Variants in SEC24A observed in about 807,000 individuals in gnomAD.
The protein encoded by SEC24A is protein transport protein Sec24A.
A neutral mutation model predicts 129.4 loss-of-function variants in SEC24A; 93 were observed. The observed-to-expected ratio is 0.72, with a 90% CI of 0.61 to 0.85. The LOEUF (loss-of-function observed/expected upper bound fraction) is 0.85. Among genes scored for constraint, SEC24A ranks in the 40% least tolerant of loss-of-function variants. The probability of loss-of-function intolerance (pLI) is 0.00; values close to 1 mark genes in which losing one functional copy is unlikely to be tolerated. For synonymous variants in SEC24A, 460 were observed against 467.3 expected, an observed-to-expected ratio of 0.98 and a Z score of 0.20; for missense variants, 1,264 against 1,307.4, an observed-to-expected ratio of 0.97 and a Z score of 0.51.
rs760290027 is a variant in SEC24A at position 134,676,144 on chromosome 5, C to CTT, written c.1254+31_1254+32dup. On this transcript the variant is annotated intron_variant, in intron 7 of 22. Transcript: ENST00000398844. ...CTTAGTGGTATGTTTCTTTTCTTTT[C>CTT]TTTTTTTTTTTTTGAGACGGAGTCT... The CTT allele has an allele frequency of 1.8e-3, 2,250 of 1,261,736 alleles. No homozygotes were observed. The highest frequency in any genetic ancestry group is 3.0e-3 in the South Asian group (213 of 69,902). 78.2% of individuals were successfully genotyped at this position (1,261,736 alleles called of 1,614,324 possible). A position where few individuals can be genotyped will look rare whatever the true frequency, so the allele number is the denominator to read the frequency against.
chr5:134,681,467 T>A (rs1751271736), intron 8 of SEC24A, among the ~76,000 whole-genome samples: 1 of 151,928 alleles, frequency 6.6e-6, no homozygotes, highest in South Asian at 2.1e-4. Flanking sequence ...TGTGTGTGTG[T>A]GTGTGTGTGT....
At chr5:134,652,398 G>C (rs185401805) in intron 1 of SEC24A, among the ~76,000 whole-genome samples, 143 of 146,506 alleles carry the variant, frequency 9.8e-4, no homozygotes, top group Middle Eastern at 4.1e-3. Flanking sequence ...AAGCAATTCT[G>C]CCTCAGCCTC....
chr5:134,679,657 A>C lies in SEC24A; in HGVS notation c.1310A>C (p.Tyr437Ser), dbSNP rs1751193772. 2 of 1,602,770 alleles carry C rather than the reference A, an allele frequency of 1.2e-6. No homozygotes were observed. The highest frequency in any genetic ancestry group is 1.7e-6 in the Non-Finnish European group (2 of 1,171,872). ...GTGAGATGCCGTTCATGCAGGACGT[A>C]CATCAATCCTTTCGTCAGCTTTCTT... The part of the protein sequence containing the change: ...TIVRCRSCRT[Y>S]INPFVSFLDQ... Residue 437 changes from tyrosine to serine, a missense_variant, in exon 8 of 23, where the codon TAC becomes TCC. Tyr to Ser is a moderately radical substitution (Grantham distance 144, BLOSUM62 -2). Coordinates refer to ENST00000398844, the MANE Select transcript of SEC24A (RefSeq NM_021982.3).
In SEC24A at chr5:134,697,955, C is replaced by T. The variant is rs778477177; in HGVS notation, c.2164C>T (p.Gln722Ter). ...CTATTACTATCCCTCTTACCATCAT[C>T]AGCACAACCCAGTCCAAGTACAGAA... ...SVYYYPSYHH[Q>*]HNPVQVQKLQ... The change falls in exon 15 of 23, where the codon CAG becomes TAG. Residue 722 changes from glutamine to a stop codon, truncating the protein, a stop_gained. Coordinates refer to ENST00000398844, the MANE Select transcript of SEC24A (RefSeq NM_021982.3). LOFTEE classifies it high-confidence loss of function. The T allele has an allele frequency of 1.2e-6, 2 of 1,613,846 alleles. No individual in the cohort carries two copies. Among genetic ancestry groups the T allele is most frequent in the Non-Finnish European group, 1.7e-6 (2 of 1,179,824 alleles).
Position 134,715,087 on chromosome 5 carries a change from A to C in SEC24A, c.2791A>C (p.Lys931Gln). Residue 931 changes from lysine (K) to glutamine (Q), a missense_variant, in exon 19 of 23, where the codon AAA becomes CAA. Physicochemically the swap from Lys to Gln is moderately conservative, Grantham distance 53. Coordinates refer to ENST00000398844, the MANE Select transcript of SEC24A (RefSeq NM_021982.3). ...ACGCATTTTTGCTATGTGTCAAGTGAAAAACCAGCCCTTGGTTTACCTTAT... is the reference window on the plus strand; with the variant it reads ...ACGCATTTTTGCTATGTGTCAAGTGCAAAACCAGCCCTTGGTTTACCTTAT... Reference protein sequence around the residue: ...DERIFAMCQVKNQPLVYLMLT... With the variant: ...DERIFAMCQVQNQPLVYLMLT... 2.5e-6 allele frequency: 4 copies of C among 1,612,392 alleles called. No individual in the cohort carries two copies. Among genetic ancestry groups the C allele is most frequent in the Non-Finnish European group, 3.4e-6 (4 of 1,179,524 alleles).
intron 7 of SEC24A, among the ~76,000 whole-genome samples, 155 bp downstream of exon 7, chr5:134,676,280 C>T (rs760082025): frequency 2.6e-5 from 4 of 151,630 alleles, no homozygotes; most frequent in Non-Finnish European, 5.9e-5. Context: ...GCTGGGATTA[C>T]AGGTGCCTGC....
intron 17 of SEC24A, among the ~76,000 whole-genome samples, chr5:134,706,895 T>C (rs1752175270): frequency 6.6e-6 from 1 of 152,078 alleles, no homozygotes; most frequent in Admixed American, 6.6e-5. Context: ...TTCACCATGT[T>C]GGCCAGGATG....
At chr5:134,661,069 G>C (rs1024650435) in intron 1 of SEC24A, 50 bp from the exon 2 acceptor site, 8 of 1,214,276 alleles carry the variant, frequency 6.6e-6, no homozygotes, top group Non-Finnish European at 9.3e-6. Flanking sequence ...ATTTCTTAAA[G>C]TATTGCTATA....
At chr5:134,662,162 T>C (rs1750490139) in intron 2 of SEC24A, among the ~76,000 whole-genome samples, 1 of 151,768 alleles carries the variant, frequency 6.6e-6, no homozygotes, top group Non-Finnish European at 1.5e-5. Flanking sequence ...TTATTATTTA[T>C]TTATTTTTTT....
At chr5:134,665,179 T>G (rs1489586457) in intron 2 of SEC24A, among the ~76,000 whole-genome samples, 4 of 151,616 alleles carry the variant, frequency 2.6e-5, no homozygotes. Flanking sequence ...CTGAGCGTGG[T>G]GGCTCACGAC....
At chr5:134,716,003 A>G (rs552316521) in intron 19 of SEC24A, among the ~76,000 whole-genome samples, 5 of 152,294 alleles carry the variant, frequency 3.3e-5, no homozygotes, top group African/African-American at 1.2e-4. Flanking sequence ...GTTCAATGTA[A>G]CAGTGTCCTT....
rs542687258 is a variant in SEC24A, at chr5:134,648,858, C to CG, written c.-217dup. 698 of 402,550 alleles carry CG rather than the reference C, an allele frequency of 1.7e-3. 21 individuals are homozygous for CG. The South Asian group carries it at 0.039, about 22-fold the overall frequency. 24.9% of individuals were successfully genotyped at this position (402,550 alleles called of 1,614,324 possible). On this transcript the variant is annotated 5_prime_UTR_variant, in exon 1 of 23. Transcript: ENST00000398844. ...TCTAGCCGGGCGTTCGCGGCCCCGC[C>CG]GGCCCGACTCTCAAGCCTCAGCTCC...
intron 18 of SEC24A, among the ~76,000 whole-genome samples, chr5:134,709,221 AAAAG>A: frequency 6.7e-6 from 1 of 150,044 alleles, no homozygotes; most frequent in East Asian, 1.9e-4. Context: ...AAAATAAACA[AAAAG>A]AAAGAAACGA....
chr5:134,668,716 A>G (rs1038447150), intron 3 of SEC24A, among the ~76,000 whole-genome samples: 3 of 151,172 alleles, frequency 2.0e-5, no homozygotes, highest in South Asian at 2.1e-4. Context: ...ACAAGAGCAA[A>G]ACTCCATCAC....
chr5:134,661,259 C>T lies in SEC24A; in HGVS notation c.238C>T (p.Gln80Ter). The T allele has an allele frequency of 1.2e-6, 2 of 1,614,136 alleles. No homozygotes were observed. The highest frequency in any genetic ancestry group is 1.7e-6 in the Non-Finnish European group (2 of 1,180,036). The change falls in exon 2 of 23, where the codon CAG becomes TAG. Residue 80 changes from glutamine (Q) to a stop codon, truncating the protein, a stop_gained. Transcript: ENST00000398844. LOFTEE classifies it high-confidence loss of function. The part of the protein sequence containing the change: ...VSGQSNYGGS[Q>*]GSGQTLNRPP... Reference sequence around the variant, plus strand: ...TGGACAGTCTAACTATGGTGGTTCTCAGGGATCTGGGCAGACTCTTAATAG... The same window carrying T: ...TGGACAGTCTAACTATGGTGGTTCTTAGGGATCTGGGCAGACTCTTAATAG...
chr5:134,659,009 C>T (rs1750345665), intron 1 of SEC24A, among the ~76,000 whole-genome samples: 1 of 151,638 alleles, frequency 6.6e-6, no homozygotes, highest in Non-Finnish European at 1.5e-5. Context: ...GCCATAGTAG[C>T]GTATTCTGGA....
At chr5:134,710,863 T>C (rs1371457955) in intron 18 of SEC24A, among the ~76,000 whole-genome samples, 1 of 152,122 alleles carries the variant, frequency 6.6e-6, no homozygotes, top group African/African-American at 2.4e-5. Flanking sequence ...TGGCCGGCCA[T>C]GGTGGCTCAT....
chr5:134,659,256 T>C (rs1199509847), intron 1 of SEC24A, among the ~76,000 whole-genome samples: 1 of 151,730 alleles, frequency 6.6e-6, no homozygotes, highest in African/African-American at 2.4e-5. Flanking sequence ...GTATTTTTAG[T>C]AGAGATGGGG....
chr5:134,705,255 C>G (rs1752126046), intron 16 of SEC24A, 72 bp from the exon 17 acceptor site: 1 of 1,205,550 alleles, frequency 8.3e-7, no homozygotes, highest in African/African-American at 1.5e-5. Context: ...AGTGATTTTT[C>G]CAAGTGACTT....
Sources: gnomAD v4.1 joint callset for allele counts (sites outside exome capture counted in the v4.1 genomes callset) on GRCh38, gnomAD v4.1.1 for gene constraint, MANE v1.5 for transcripts, NCBI Gene and HGNC (gene_info 2026-07-23, HGNC 2026-07-21) for gene names.